Variants in PTPN3 observed in about 807,000 individuals in gnomAD.
PTPN3 encodes protein tyrosine phosphatase non-receptor type 3, also known as tyrosine-protein phosphatase non-receptor type 3.
A neutral mutation model predicts 132.7 loss-of-function variants in PTPN3; 96 were observed. The observed-to-expected ratio is 0.72, with a 90% confidence interval of 0.61 to 0.86. The LOEUF is 0.86. Ranked by LOEUF, PTPN3 falls within the 40% of genes least tolerant of loss-of-function variation. The pLI, the probability that PTPN3 is intolerant of heterozygous loss-of-function variation, is 0.00. For synonymous variants in PTPN3, 398 were observed against 429.0 expected, an observed-to-expected ratio of 0.93 and a Z score of 0.89; for missense variants, 1,125 against 1,159.6, an observed-to-expected ratio of 0.97 and a Z score of 0.43.
intron 5 of PTPN3, 74 bp downstream of exon 5, chr9:109,454,422 A>G: frequency 7.9e-7 from 1 of 1,271,568 alleles, no homozygotes; most frequent in Non-Finnish European, 1.1e-6. Flanking sequence ...CCATAGTAAT[A>G]AAATGAAGAG....
chr9:109,504,970 C>T, the PTPN3 span, among the ~76,000 whole-genome samples: 1 of 152,046 alleles, frequency 6.6e-6, no homozygotes, highest in African/African-American at 2.4e-5. Context: ...AGTTCATATA[C>T]TGAAAACAAA....
At chr9:109,481,041 T>C (rs10512395) in intron 1 of PTPN3, among the ~76,000 whole-genome samples, 35,809 of 152,110 alleles carry the variant, frequency 0.24, 4,571 homozygotes, top group South Asian at 0.39. Context: ...AAAGGAAATC[T>C]AATAGGCTAA....
Position 109,427,009 on chromosome 9 carries a change from T to TA in PTPN3, c.941dup (p.Pro315ThrfsTer24), listed in dbSNP as rs1184265980. 1.9e-6 allele frequency: 3 copies of TA among 1,613,666 alleles called. No homozygotes were observed. In the Admixed American group the frequency reaches 5.0e-5, roughly 27 times the overall value. On this transcript the variant is annotated frameshift_variant, in exon 12 of 26. Transcript: ENST00000374541. LOFTEE classifies it high-confidence loss of function. ...GAGACAGAACATTCTTTTCCTGAGGTAGTAGCTTCTTTGCCTGAAAGAACG... is the reference window on the plus strand; with the variant it reads ...GAGACAGAACATTCTTTTCCTGAGGTAAGTAGCTTCTTTGCCTGAAAGAACG...
upstream of PTPN3, chr9:109,498,420 C>G (rs1847789593): frequency 6.7e-6 from 1 of 150,282 alleles, no homozygotes; most frequent in Non-Finnish European, 1.5e-5. This position sits in a 1 kb window ranked among gnomAD's most constrained non-coding sequence, Gnocchi z 4.2. Context: ...TTCTCCCGCC[C>G]CCGCCCCGGG....
chr9:109,432,569 C>T (rs1017903327), intron 10 of PTPN3, among the ~76,000 whole-genome samples: 15 of 152,182 alleles, frequency 9.9e-5, no homozygotes, highest in African/African-American at 1.4e-4. Flanking sequence ...GTTCCACTCA[C>T]GAGTAATGCG....
Position 109,428,570 on chromosome 9 carries a change from C to T in PTPN3, c.828+51G>A, listed in dbSNP as rs772592258. The stretch of plus-strand genomic sequence containing the variant: ...AACATAGCGAGACCCTGTCTCTAAC[C>T]ACACACATACATATGCACGAAACAA... On this transcript the variant is annotated intron_variant, in intron 11 of 25. Coordinates refer to ENST00000374541, the MANE Select transcript of PTPN3 (RefSeq NM_002829.4). 3.9e-5 allele frequency: 62 copies of T among 1,572,670 alleles called. 1 individual carries two copies. Among genetic ancestry groups the T allele is most frequent in the Non-Finnish European group, 5.2e-5 (60 of 1,148,232 alleles).
At chr9:109,531,349 A>G in the PTPN3 span, among the ~76,000 whole-genome samples, 3 of 152,184 alleles carry the variant, frequency 2.0e-5, no homozygotes, top group African/African-American at 7.2e-5. Context: ...GTGCTCTCTG[A>G]TGAAGGGCTA....
At chr9:109,476,936 A>G (rs1846695576) in intron 1 of PTPN3, among the ~76,000 whole-genome samples, 1 of 152,116 alleles carries the variant, frequency 6.6e-6, no homozygotes, top group East Asian at 1.9e-4. Flanking sequence ...GCGATTTCCA[A>G]GTATTTTTAC....
chr9:109,469,031 A>C (rs770472254), intron 1 of PTPN3, among the ~76,000 whole-genome samples: 1 of 152,252 alleles, frequency 6.6e-6, no homozygotes, highest in African/African-American at 2.4e-5. Flanking sequence ...GCTGCTCTAC[A>C]AACTCAGGGG....
At chr9:109,502,949 A>G (rs17793891), upstream of PTPN3, among the ~76,000 whole-genome samples, 9,591 of 152,326 alleles carry the variant, frequency 0.063, 460 homozygotes, top group East Asian at 0.23. Flanking sequence ...ATTTATGTGC[A>G]GAGAGGCAGG....
At chr9:109,432,916 C>T (rs768301881) in intron 10 of PTPN3, among the ~76,000 whole-genome samples, 157 bp downstream of exon 10, 9 of 152,134 alleles carry the variant, frequency 5.9e-5, no homozygotes, top group African/African-American at 9.7e-5. Flanking sequence ...TTCCTAAGTA[C>T]CAAATCTGGA....
At chr9:109,443,267 G>A (rs1437480679) in intron 7 of PTPN3, among the ~76,000 whole-genome samples, 2 of 151,814 alleles carry the variant, frequency 1.3e-5, no homozygotes, top group Non-Finnish European at 2.9e-5. Context: ...TGTAGAGATG[G>A]GGCTTCATAG....
the PTPN3 span, chr9:109,532,784 T>G: frequency 0.071 from 37,182 of 524,916 alleles, 1,733 homozygotes; most frequent in East Asian, 0.2. Flanking sequence ...TATTTCTTCT[T>G]GTTGGATGAC....
At chr9:109,454,669 C>T in intron 4 of PTPN3, 95 bp from the exon 5 acceptor site, 1 of 912,518 alleles carries the variant, frequency 1.1e-6, no homozygotes, top group East Asian at 2.4e-5. Flanking sequence ...TTTTTTCACT[C>T]AACCATAGCT....
At chr9:109,472,200 T>C (rs980611846) in intron 1 of PTPN3, among the ~76,000 whole-genome samples, 5 of 152,224 alleles carry the variant, frequency 3.3e-5, no homozygotes, top group African/African-American at 1.2e-4. Context: ...TCACTTGATA[T>C]TGCATAACCA....
At chr9:109,460,143 T>C (rs558777722) in intron 2 of PTPN3, among the ~76,000 whole-genome samples, 2 of 152,230 alleles carry the variant, frequency 1.3e-5, no homozygotes, top group South Asian at 2.1e-4. Flanking sequence ...CTTCCCACAG[T>C]CTTCCCCATC....
chr9:109,389,995 A>G (rs753024329), intron 21 of PTPN3, among the ~76,000 whole-genome samples: 9 of 152,186 alleles, frequency 5.9e-5, no homozygotes, highest in Non-Finnish European at 1.2e-4. Flanking sequence ...GAACCTGCTG[A>G]GCTTTGGGCT....
chr9:109,500,216 C>T (rs1173655849), upstream of PTPN3, among the ~76,000 whole-genome samples: 1 of 152,228 alleles, frequency 6.6e-6, no homozygotes, highest in African/African-American at 2.4e-5. Context: ...CAAAATCAGC[C>T]GTCATCCTCA....
At chr9:109,478,032 A>T (rs1163440017) in intron 1 of PTPN3, among the ~76,000 whole-genome samples, 1 of 152,198 alleles carries the variant, frequency 6.6e-6, no homozygotes, top group African/African-American at 2.4e-5. Context: ...GGATCTCTGG[A>T]GGATCCAGGA....
Sources: gnomAD v4.1 joint callset for allele counts (sites outside exome capture counted in the v4.1 genomes callset) on GRCh38, gnomAD v4.1.1 for gene constraint, Gnocchi (gnomAD v3.1) non-coding constraint, MANE v1.5 for transcripts, NCBI Gene and HGNC (gene_info 2026-07-23, HGNC 2026-07-21) for gene names.